ADGRV1: variants seen among roughly 807,000 people sequenced by gnomAD.
The protein encoded by ADGRV1 is G-protein coupled receptor 98.
ADGRV1 carries 359 observed loss-of-function variants against 596.2 expected under a neutral mutation model. That is an observed-to-expected ratio of 0.60 (90% CI 0.55 to 0.66). The LOEUF (loss-of-function observed/expected upper bound fraction) is 0.66, where lower values mean the gene tolerates loss of function less well. Among genes scored for constraint, ADGRV1 ranks in the 30% least tolerant of loss-of-function variants. The pLI is 0.00. For synonymous variants in ADGRV1, 2,681 were observed against 2,679.2 expected (o/e 1.00, Z -0.02); for missense variants, 7,274 against 7,575.6 (o/e 0.96, Z 1.48).
At position 90,644,735 on chromosome 5, in the gene ADGRV1, A is replaced by G; in HGVS notation, c.2764A>G (p.Asn922Asp). ...TTATGATGTAGTAAGAAATCGAGGC[A>G]ACTTTGGTGATGTTAGTGTATCATG... Reference protein sequence around the residue: ...AVYDVVRNRGNFGDVSVSWVV... With the variant: ...AVYDVVRNRGDFGDVSVSWVV... The change falls in exon 15 of 90, where the codon AAC (asparagine) becomes GAC (aspartate). Residue 922 changes from asparagine (N) to aspartate (D), a missense_variant. By Grantham distance (23) the Asn-to-Asp change is conservative. Transcript: ENST00000405460. 6.2e-7 allele frequency: 1 copy of G among 1,610,436 alleles called. No homozygotes were observed. The highest frequency in any genetic ancestry group is 8.5e-7 in the Non-Finnish European group (1 of 1,178,892).
At chr5:90,905,792 C>CT (rs780090479) in intron 83 of ADGRV1, among the ~76,000 whole-genome samples, 1 of 152,118 alleles carries the variant, frequency 6.6e-6, no homozygotes, top group Non-Finnish European at 1.5e-5. Context: ...TGAAAGTAGG[C>CT]TTTTTTGTTG....
At chr5:90,633,841 A>T (rs570996353) in intron 9 of ADGRV1, among the ~76,000 whole-genome samples, 2 of 152,252 alleles carry the variant, frequency 1.3e-5, no homozygotes, top group East Asian at 3.9e-4. Context: ...AAAATTATTC[A>T]TGTCTTTCTC....
chr5:90,700,902 C>A (rs958674475), intron 34 of ADGRV1, among the ~76,000 whole-genome samples: 1 of 151,878 alleles, frequency 6.6e-6, no homozygotes, highest in Non-Finnish European at 1.5e-5. Context: ...TTTTGGTTTT[C>A]CATTAGTTTT....
chr5:91,133,081 C>T lies in ADGRV1; in HGVS notation c.18433-16949C>T, dbSNP rs919262691. On this transcript the variant is annotated intron_variant, in intron 87 of 89. Coordinates refer to ENST00000405460, the MANE Select transcript of ADGRV1 (RefSeq NM_032119.4). ...GTGAGCTGATAGTGAGATTTTTGTC[C>T]AAGTGAAGGTGTGATATCATGGTGT... is the stretch of plus-strand genomic sequence containing the variant. 6.6e-5 allele frequency among the ~76,000 whole-genome samples: 10 copies of T among 152,156 alleles called. No individual in the cohort carries two copies. The South Asian group carries it at 8.3e-4, about 13-fold the overall frequency.
At chr5:90,712,155 A>G (rs1561575293) in intron 41 of ADGRV1, 132 bp from the exon 42 acceptor site, 1 of 546,964 alleles carries the variant, frequency 1.8e-6, no homozygotes, top group East Asian at 3.3e-5. Flanking sequence ...ACCAAAATAT[A>G]AGGAGACAAA....
At chr5:90,946,653 C>T (rs973443702) in intron 83 of ADGRV1, among the ~76,000 whole-genome samples, 1 of 151,950 alleles carries the variant, frequency 6.6e-6, no homozygotes, top group African/African-American at 2.4e-5. Context: ...TGTGTTGTTC[C>T]CCTCCCTGTG....
rs772275409 is a variant in ADGRV1 at position 90,829,155 on chromosome 5, G to T, written c.16580G>T (p.Gly5527Val). ...CAGGTGGCCAGAGATTCTGGGACAG[G>T]ACTAATGATGTCTGTTAACTTTAGT... ...SLQVARDSGT[G>V]LMMSVNFSTQ... Residue 5527 changes from glycine (G) to valine (V), a missense_variant, in exon 77 of 90, where the codon GGA becomes GTA. Gly to Val is a moderately radical substitution (Grantham distance 109). Transcript: ENST00000405460. 1 of 1,587,124 alleles carries T rather than the reference G, an allele frequency of 6.3e-7. No individual in the cohort carries two copies. Among genetic ancestry groups the T allele is most frequent in the African/African-American group, 1.3e-5 (1 of 74,398 alleles).
At chr5:90,610,054 T>C (rs1050645724) in intron 1 of ADGRV1, among the ~76,000 whole-genome samples, 13 of 152,030 alleles carry the variant, frequency 8.6e-5, no homozygotes, top group Admixed American at 7.9e-4. Context: ...CGTTTCTATA[T>C]AGTTATTGAG....
chr5:90,980,308 A>G lies in ADGRV1; in HGVS notation c.17974-5036A>G, dbSNP rs537687188. Among the ~76,000 whole-genome samples, 173 of 152,322 alleles carry G rather than the reference A, an allele frequency of 1.1e-3. 1 individual carries two copies. The highest frequency in any genetic ancestry group is 2.0e-3 in the Non-Finnish European group (136 of 68,016). On this transcript the variant is annotated intron_variant, in intron 84 of 89. Transcript: ENST00000405460. ...ATTTAATTGTCTCTTTCCAACTGACAAATTTGGTGGTTTATAATGCTGAAA... is the reference window on the plus strand; with the variant it reads ...ATTTAATTGTCTCTTTCCAACTGACGAATTTGGTGGTTTATAATGCTGAAA...
intron 71 of ADGRV1, among the ~76,000 whole-genome samples, chr5:90,803,139 T>A (rs889749584): frequency 6.6e-6 from 1 of 152,018 alleles, no homozygotes; most frequent in African/African-American, 2.4e-5. Context: ...TATTTTATGT[T>A]AAATAATTAA....
intron 11 of ADGRV1, among the ~76,000 whole-genome samples, chr5:90,639,059 A>G (rs1766625419): frequency 1.4e-5 from 2 of 143,794 alleles, no homozygotes; most frequent in South Asian, 4.5e-4. Context: ...CAAAAAGCAA[A>G]AACCAATTTA....
chr5:90,750,205 A>T (rs2149943721), intron 52 of ADGRV1, among the ~76,000 whole-genome samples: 1 of 152,312 alleles, frequency 6.6e-6, no homozygotes, highest in Non-Finnish European at 1.5e-5. Flanking sequence ...TCTTCTACAA[A>T]CTTTTTACAT....
chr5:90,971,505 C>T (rs878991513), intron 84 of ADGRV1, among the ~76,000 whole-genome samples: 6 of 152,204 alleles, frequency 3.9e-5, no homozygotes, highest in East Asian at 3.9e-4. Flanking sequence ...CAGATCTCTC[C>T]GCAGAAACTC....
chr5:90,756,192 T>C (rs1208632186), intron 55 of ADGRV1, among the ~76,000 whole-genome samples: 1 of 152,148 alleles, frequency 6.6e-6, no homozygotes, highest in East Asian at 1.9e-4. Flanking sequence ...AATTTCAGGA[T>C]AGATTTTTAA....
At chr5:90,603,504 G>A (rs1018748475) in intron 1 of ADGRV1, among the ~76,000 whole-genome samples, 16 of 152,120 alleles carry the variant, frequency 1.1e-4, no homozygotes, top group African/African-American at 3.6e-4. Context: ...ACTTCATGGT[G>A]CACAGAGATG....
At position 90,883,777 on chromosome 5, in the gene ADGRV1, A is replaced by G. The variant is rs970413499; in HGVS notation, c.17856+19920A>G. Among the ~76,000 whole-genome samples the G allele has an allele frequency of 4.6e-5, 7 of 152,142 alleles. No individual in the cohort carries two copies. The South Asian group carries it at 1.2e-3, about 27-fold the overall frequency. On this transcript the variant is annotated intron_variant, in intron 83 of 89. Coordinates refer to ENST00000405460, the MANE Select transcript of ADGRV1 (RefSeq NM_032119.4). ...TGCATATCATCCTTTCACTTACGGG[A>G]CTGTGGCATGGAGAAGTGAGTTGCA... is the stretch of plus-strand genomic sequence containing the variant.
In ADGRV1 at chr5:90,653,941, C is replaced by G. The variant is rs771410110; in HGVS notation, c.4367C>G (p.Ala1456Gly). 6 of 1,556,058 alleles carry G rather than the reference C, an allele frequency of 3.9e-6. No homozygotes were observed. The highest frequency in any genetic ancestry group is 5.2e-6 in the Non-Finnish European group (6 of 1,149,124). Residue 1456 changes from alanine (A) to glycine (G), a missense_variant, in exon 20 of 90, where the codon GCC becomes GGC. Coordinates refer to ENST00000405460, the MANE Select transcript of ADGRV1 (RefSeq NM_032119.4). ...GGAATCAAGAGTCTGAAAGGAGAAG[C>G]CATTACTGACGGTGAGGGTCATCAT... is the stretch of plus-strand genomic sequence containing the variant. ...PRGIKSLKGEAITDGPGILRI... is the reference protein window; with the variant it reads ...PRGIKSLKGEGITDGPGILRI...
At chr5:91,035,861 T>TATATAATATATATAATA in intron 85 of ADGRV1, among the ~76,000 whole-genome samples, 8 of 96,382 alleles carry the variant, frequency 8.3e-5, no homozygotes, top group African/African-American at 2.3e-4. Context: ...TATATATATA[T>TATATAATATATATAATA]TATATATATA....
At chr5:91,011,168 A>G (rs1782689800) in intron 85 of ADGRV1, among the ~76,000 whole-genome samples, 2 of 151,960 alleles carry the variant, frequency 1.3e-5, no homozygotes, top group Admixed American at 1.3e-4. Context: ...TACTTTCATA[A>G]TAAAAATGTT....
Sources: allele counts gnomAD v4.1 joint callset (sites outside exome capture counted in the v4.1 genomes callset), GRCh38; gene constraint gnomAD v4.1.1; transcripts MANE v1.5; gene names NCBI Gene and HGNC (gene_info 2026-07-23, HGNC 2026-07-21).